Variants in PHACTR2 observed in about 807,000 individuals in gnomAD.
PHACTR2 encodes chromosome 6 open reading frame 56.
PHACTR2 carries 30 observed loss-of-function variants against 76.0 expected under a neutral mutation model. The observed-to-expected ratio is 0.39, with a 90% confidence interval of 0.30 to 0.54. The LOEUF (loss-of-function observed/expected upper bound fraction) is 0.54, where lower values mean the gene tolerates loss of function less well. Among genes scored for constraint, PHACTR2 ranks in the 20% least tolerant of loss-of-function variants. The pLI, the probability that PHACTR2 is intolerant of heterozygous loss-of-function variation, is 0.61. For missense variants in PHACTR2, 696 were observed against 781.1 expected (o/e 0.89, Z 1.30); for synonymous variants, 292 against 292.5 (o/e 1.00, Z 0.02).
chr6:143,747,191 CAT>C (rs1158015605), intron 2 of PHACTR2, among the ~76,000 whole-genome samples: 3 of 152,138 alleles, frequency 2.0e-5, no homozygotes, highest in African/African-American at 7.2e-5. Flanking sequence ...CACGAATTGT[CAT>C]ATGAAATCTG....
At chr6:143,657,358 GA>G (rs1218934303) in intron 1 of PHACTR2, among the ~76,000 whole-genome samples, 1 of 151,922 alleles carries the variant, frequency 6.6e-6, no homozygotes, top group Non-Finnish European at 1.5e-5. Context: ...TCCAACCCCT[GA>G]AAAAAGATCC....
At chr6:143,568,795 G>A (rs1013566618) in intron 1 of PHACTR2, among the ~76,000 whole-genome samples, 7 of 152,204 alleles carry the variant, frequency 4.6e-5, no homozygotes, top group Admixed American at 4.6e-4. Context: ...ATAGATCTAT[G>A]TTGACCTGAA....
Position 143,767,940 on chromosome 6 carries a change from C to A in PHACTR2, c.1232+2142C>A, listed in dbSNP as rs1048893958. ...TCAACCTCTGCCTCCCAGGTTCAAG[C>A]AATTCTCCTGCCTCAGCCTCCCCAG... On this transcript the variant is annotated intron_variant, in intron 6 of 12. Transcript: ENST00000440869. The surrounding 1 kb of genome is among the most constrained non-coding windows in gnomAD (Gnocchi z 4.4). Among the ~76,000 whole-genome samples, 1 of 152,152 alleles carries A rather than the reference C, an allele frequency of 6.6e-6. No individual in the cohort carries two copies. The highest frequency in any genetic ancestry group is 2.4e-5 in the African/African-American group (1 of 41,424).
rs1775775049 is a variant in PHACTR2 at position 143,598,214 on chromosome 6, G to T, written c.217+61007G>T. Among the ~76,000 whole-genome samples, 1 of 152,130 alleles carries T rather than the reference G, an allele frequency of 6.6e-6. No homozygotes were observed. The highest frequency in any genetic ancestry group is 6.6e-5 in the Admixed American group (1 of 15,264). ...TTGACTTAATGATCCTGGGCGAAAT[G>T]ATCCTACATTATTTGGCTGGGCTCA... On this transcript the variant is annotated intron_variant, in intron 1 of 11. Transcript: ENST00000367584. This position sits in a 1 kb window ranked among gnomAD's most constrained non-coding sequence, Gnocchi z 4.1.
rs1776169658 is a variant in PHACTR2 at position 143,811,327 on chromosome 6, T to C, written c.1922+4194T>C. 6.6e-6 allele frequency among the ~76,000 whole-genome samples: 1 copy of C among 152,244 alleles called. No homozygotes were observed. Among genetic ancestry groups the C allele is most frequent in the South Asian group, 2.1e-4 (1 of 4,836 alleles). The stretch of plus-strand genomic sequence containing the variant: ...ATCCTACTGTTTAATTTGGATAGAT[T>C]TGTAGTGTACTTTTATATTTGATGG... On this transcript the variant is annotated intron_variant, in intron 12 of 12. Transcript: ENST00000440869. This position sits in a 1 kb window ranked among gnomAD's most constrained non-coding sequence, Gnocchi z 4.1.
intron 1 of PHACTR2, among the ~76,000 whole-genome samples, chr6:143,668,802 T>A (rs899696523): frequency 1.3e-5 from 2 of 152,192 alleles, no homozygotes; most frequent in African/African-American, 4.8e-5. Flanking sequence ...TCTATTTTGT[T>A]AATCTTTTCA....
intron 1 of PHACTR2, among the ~76,000 whole-genome samples, chr6:143,600,223 C>T (rs757158729): frequency 6.6e-6 from 1 of 152,222 alleles, no homozygotes; most frequent in Non-Finnish European, 1.5e-5. Context: ...CTTGTGCAAG[C>T]TGTATATTCC....
rs9376787 is a variant in PHACTR2, at chr6:143,795,179, C to A, written c.1845+6269C>A. ...TTGTAATGTTAGCACTTTGGGAGGC[C>A]AAGGTGGGAGGGTCACTTGAGGCCA... is the stretch of plus-strand genomic sequence containing the variant. On this transcript the variant is annotated intron_variant, in intron 11 of 12. Transcript: ENST00000440869. This position sits in a 1 kb window ranked among gnomAD's most constrained non-coding sequence, Gnocchi z 4.8. Among the ~76,000 whole-genome samples, 40,884 of 151,926 alleles carry A rather than the reference C, an allele frequency of 0.27. 6,193 individuals carry two copies. The highest frequency in any genetic ancestry group is 0.39 in the South Asian group (1,874 of 4,814).
rs1159714708 is a variant in PHACTR2 at position 143,757,835 on chromosome 6, A to T, written c.455-2566A>T. Among the ~76,000 whole-genome samples, 1 of 152,222 alleles carries T rather than the reference A, an allele frequency of 6.6e-6. No individual in the cohort carries two copies. Among genetic ancestry groups the T allele is most frequent in the Non-Finnish European group, 1.5e-5 (1 of 68,036 alleles). On this transcript the variant is annotated intron_variant, in intron 4 of 12. Coordinates refer to ENST00000440869, the MANE Select transcript of PHACTR2 (RefSeq NM_001100164.2). The surrounding 1 kb of genome is among the most constrained non-coding windows in gnomAD (Gnocchi z 4.2). ...AGTCAGTCCCATTCGTTGAATAGAC[A>T]TAGTGTTTACAGCATTGTGTTCGAT...
At chr6:143,657,958 G>T (rs1019721108) in intron 1 of PHACTR2, among the ~76,000 whole-genome samples, 2 of 152,112 alleles carry the variant, frequency 1.3e-5, no homozygotes, top group African/African-American at 4.8e-5. Flanking sequence ...TTCTGAGGGG[G>T]GGTCCAGGCA....
At chr6:143,642,553 T>A (rs1582728857) in intron 1 of PHACTR2, among the ~76,000 whole-genome samples, 1 of 152,180 alleles carries the variant, frequency 6.6e-6, no homozygotes, top group Admixed American at 6.5e-5. Flanking sequence ...TCCTAACCCG[T>A]AGTACCTCAG....
At position 143,648,943 on chromosome 6, in the gene PHACTR2, T is replaced by C. The variant is rs545341002; in HGVS notation, c.13+40621T>C. Reference sequence around the variant, plus strand: ...CTATGTGTATGTCTATGTCTATGTATGTTTGTGTGTGTCTGTGTGTCTATG... The same window carrying C: ...CTATGTGTATGTCTATGTCTATGTACGTTTGTGTGTGTCTGTGTGTCTATG... On this transcript the variant is annotated intron_variant, in intron 1 of 11. Transcript: ENST00000305766. This position sits in a 1 kb window ranked among gnomAD's most constrained non-coding sequence, Gnocchi z 6.7. 6.6e-6 allele frequency among the ~76,000 whole-genome samples: 1 copy of C among 150,892 alleles called. No homozygotes were observed. The highest frequency in any genetic ancestry group is 2.5e-5 in the African/African-American group (1 of 40,772).
rs1248638783 is a variant in PHACTR2, at chr6:143,788,890, A to C, written c.1825A>C (p.Arg609=). 6.2e-7 allele frequency: 1 copy of C among 1,612,260 alleles called. No homozygotes were observed. The highest frequency in any genetic ancestry group is 1.1e-5 in the South Asian group (1 of 90,914). ...CCGCCGAGCAGACAAGCCCTGGGCC[A>C]GGTTAACACCTGCAGACAAGGCAAG... ...YDRRADKPWA[R]LTPADKAAIR... Residue 609 remains arginine (R), a synonymous_variant, in exon 11 of 13, where the codon AGG becomes CGG. Transcript: ENST00000440869.
chr6:143,612,024 G>C (rs1160751833), intron 1 of PHACTR2, among the ~76,000 whole-genome samples: 1 of 152,188 alleles, frequency 6.6e-6, no homozygotes, highest in African/African-American at 2.4e-5. Flanking sequence ...AAGACAGTGA[G>C]TTCCATTTTG....
At position 143,755,845 on chromosome 6, in the gene PHACTR2, A is replaced by G. The variant is rs141487258; in HGVS notation, c.454+1933A>G. 1.3e-5 allele frequency among the ~76,000 whole-genome samples: 2 copies of G among 152,306 alleles called. No homozygotes were observed. Among genetic ancestry groups the G allele is most frequent in the East Asian group, 3.9e-4 (2 of 5,170 alleles). On this transcript the variant is annotated intron_variant, in intron 4 of 12. Transcript: ENST00000440869. The surrounding 1 kb of genome is among the most constrained non-coding windows in gnomAD (Gnocchi z 5.2). ...TATTATGTTAATTAGAAAATGCCTTATGACAAAGGTAACAATTTATTTCTC... is the reference window on the plus strand; with the variant it reads ...TATTATGTTAATTAGAAAATGCCTTGTGACAAAGGTAACAATTTATTTCTC...
At chr6:143,813,446 C>A (rs1175276026) in intron 12 of PHACTR2, among the ~76,000 whole-genome samples, 1 of 151,912 alleles carries the variant, frequency 6.6e-6, no homozygotes, top group African/African-American at 2.4e-5. Flanking sequence ...GGTGAAACCC[C>A]ATCTCTACTA....
At chr6:143,675,160 A>G (rs994474227), upstream of PHACTR2, among the ~76,000 whole-genome samples, 2 of 152,364 alleles carry the variant, frequency 1.3e-5, no homozygotes, top group Admixed American at 1.3e-4. This position sits in a 1 kb window ranked among gnomAD's most constrained non-coding sequence, Gnocchi z 4.9. Flanking sequence ...GGGAAATTCT[A>G]TCTCACTAAT....
intron 1 of PHACTR2, among the ~76,000 whole-genome samples, chr6:143,576,236 C>A (rs1775506234): frequency 6.6e-6 from 1 of 152,184 alleles, no homozygotes; most frequent in African/African-American, 2.4e-5. Context: ...ACCCAGGGGA[C>A]AAACTGGAAG....
intron 2 of PHACTR2, among the ~76,000 whole-genome samples, chr6:143,746,765 A>G (rs1779076539): frequency 6.6e-6 from 1 of 151,948 alleles, no homozygotes; most frequent in Non-Finnish European, 1.5e-5. Flanking sequence ...CTCCTTTTTG[A>G]CAAGAGGCCG....
Sources: allele counts gnomAD v4.1 joint callset (sites outside exome capture counted in the v4.1 genomes callset), GRCh38; gene constraint gnomAD v4.1.1; non-coding constraint Gnocchi (gnomAD v3.1); transcripts MANE v1.5; gene names NCBI Gene and HGNC (gene_info 2026-07-23, HGNC 2026-07-21).